GALNT10: variants seen among roughly 807,000 people sequenced by gnomAD.
GALNT10 encodes the protein polypeptide N-acetylgalactosaminyltransferase 10, also known as GalNAc transferase 10.
Under a neutral mutation model 75.0 loss-of-function variants are expected in GALNT10, and 41 were observed. That is an observed-to-expected ratio of 0.55 (90% CI 0.43 to 0.71). GALNT10 has a LOEUF of 0.71. GALNT10 is among the 30% of genes least tolerant of loss of function. GALNT10 has a pLI of 0.00. For missense variants in GALNT10, 727 were observed against 818.5 expected (o/e 0.89, Z 1.36); for synonymous variants, 302 against 313.0 (o/e 0.96, Z 0.37).
chr5:154,340,050 G>T (rs1755009057), intron 4 of GALNT10, among the ~76,000 whole-genome samples: 1 of 152,202 alleles, frequency 6.6e-6, no homozygotes, highest in Non-Finnish European at 1.5e-5. Context: ...TGGTGCAAAA[G>T]AAATTGTGGT....
intron 3 of GALNT10, among the ~76,000 whole-genome samples, chr5:154,307,053 G>A (rs1442367863): frequency 6.6e-6 from 1 of 152,162 alleles, no homozygotes; most frequent in Non-Finnish European, 1.5e-5. Context: ...AGGAATGAGA[G>A]AGATGACATA....
chr5:154,291,425 A>G (rs1004598564), intron 1 of GALNT10, among the ~76,000 whole-genome samples: 1 of 152,140 alleles, frequency 6.6e-6, no homozygotes, highest in Admixed American at 6.5e-5. Context: ...CCCTAGACCT[A>G]CTGTGCCAGA....
chr5:154,416,276 T>C lies in GALNT10; in HGVS notation c.1653+344T>C, dbSNP rs538643344. 6.6e-6 allele frequency among the ~76,000 whole-genome samples: 1 copy of C among 151,568 alleles called. No homozygotes were observed. The highest frequency in any genetic ancestry group is 2.4e-5 in the African/African-American group (1 of 41,278). ...CCAACATGGTGAAACCCCGTCTCTA[T>C]ACAAAAATCAGCCAGACATGGTGGC... On this transcript the variant is annotated intron_variant, in intron 11 of 11. Coordinates refer to ENST00000297107, the MANE Select transcript of GALNT10 (RefSeq NM_198321.4). This position sits in a 1 kb window ranked among gnomAD's most constrained non-coding sequence, Gnocchi z 4.5.
intron 4 of GALNT10, among the ~76,000 whole-genome samples, chr5:154,355,534 AG>A (rs1399727429): frequency 6.6e-6 from 1 of 152,228 alleles, no homozygotes; most frequent in Non-Finnish European, 1.5e-5. Flanking sequence ...CAGCGGGAGT[AG>A]GCATGCCTTA....
intron 4 of GALNT10, among the ~76,000 whole-genome samples, chr5:154,336,030 T>A (rs1238212001): frequency 1.3e-5 from 2 of 152,240 alleles, no homozygotes; most frequent in Non-Finnish European, 2.9e-5. Flanking sequence ...ATCATTTTAC[T>A]GTCACTGTAG....
rs868044145 is a variant in GALNT10, at chr5:154,227,038, T to C, written c.159+36013T>C. ...GTATCAATAGTTTGTTCCCTTTTTATTGGGAAATAATATTCCTTTGTGTGG... is the reference window on the plus strand; with the variant it reads ...GTATCAATAGTTTGTTCCCTTTTTACTGGGAAATAATATTCCTTTGTGTGG... On this transcript the variant is annotated intron_variant, in intron 1 of 11. Coordinates refer to ENST00000297107, the MANE Select transcript of GALNT10 (RefSeq NM_198321.4). Among the ~76,000 whole-genome samples the C allele has an allele frequency of 3.3e-5, 5 of 152,354 alleles. No homozygotes were observed. In the South Asian group the frequency reaches 6.2e-4, roughly 19 times the overall value.
intron 3 of GALNT10, among the ~76,000 whole-genome samples, chr5:154,325,104 A>C (rs1754736298): frequency 6.6e-6 from 1 of 152,200 alleles, no homozygotes; most frequent in African/African-American, 2.4e-5. Flanking sequence ...TAAATGCAGA[A>C]AGCAATCCCT....
chr5:154,376,560 G>T lies in GALNT10; in HGVS notation c.754+98G>T, dbSNP rs987211122. On this transcript the variant is annotated intron_variant, in intron 5 of 11. Transcript: ENST00000297107. The surrounding 1 kb of genome is among the most constrained non-coding windows in gnomAD (Gnocchi z 4.1). Reference sequence around the variant, plus strand: ...GGGAGCCATCCATAAGCCTTCCCTTGCCTGTTCGAGATGCCCCCAGCACAA... The same window carrying T: ...GGGAGCCATCCATAAGCCTTCCCTTTCCTGTTCGAGATGCCCCCAGCACAA... 2.6e-5 allele frequency: 21 copies of T among 806,276 alleles called. No individual in the cohort carries two copies. Among genetic ancestry groups the T allele is most frequent in the Admixed American group, 1.2e-4 (4 of 32,486 alleles). The allele number at this position is 806,276 out of a possible 1,614,324, so 49.9% of individuals were successfully genotyped here.
intron 4 of GALNT10, among the ~76,000 whole-genome samples, chr5:154,339,743 G>A (rs1230583276): frequency 6.6e-6 from 1 of 152,224 alleles, no homozygotes; most frequent in Non-Finnish European, 1.5e-5. Flanking sequence ...TGCAGTAAGA[G>A]TGTGGTAAAT....
At chr5:154,257,627 C>T (rs1189790935) in intron 1 of GALNT10, among the ~76,000 whole-genome samples, 2 of 150,366 alleles carry the variant, frequency 1.3e-5, no homozygotes, top group African/African-American at 4.9e-5. Flanking sequence ...GAGCCGAGAT[C>T]GCACCACTGC....
intron 9 of GALNT10, among the ~76,000 whole-genome samples, chr5:154,411,376 T>G (rs1211601972): frequency 6.6e-6 from 1 of 152,194 alleles, no homozygotes; most frequent in African/African-American, 2.4e-5. Context: ...AGTATATGCC[T>G]CTTTCCCAGT....
chr5:154,212,238 G>A (rs1441956214), intron 1 of GALNT10, among the ~76,000 whole-genome samples: 1 of 152,194 alleles, frequency 6.6e-6, no homozygotes, highest in Non-Finnish European at 1.5e-5. Flanking sequence ...GAGAGCTCTT[G>A]GAAGGAACTG....
At chr5:154,212,826 G>C (rs887651938) in intron 1 of GALNT10, among the ~76,000 whole-genome samples, 2 of 152,196 alleles carry the variant, frequency 1.3e-5, no homozygotes, top group African/African-American at 4.8e-5. Context: ...AAATTAGCCA[G>C]GCGTGGTGAC....
chr5:154,269,712 G>C (rs1753833065), intron 1 of GALNT10, among the ~76,000 whole-genome samples: 1 of 152,254 alleles, frequency 6.6e-6, no homozygotes, highest in African/African-American at 2.4e-5. Flanking sequence ...CTGGTGGGCA[G>C]AGAACAGTGT....
chr5:154,218,001 G>A, intron 1 of GALNT10: 1 of 984,842 alleles, frequency 1.0e-6, no homozygotes. Flanking sequence ...CATTCCATGT[G>A]GTTTCTTCCT....
chr5:154,218,253 C>T (rs138312186), intron 1 of GALNT10: 23 of 347,178 alleles, frequency 6.6e-5, no homozygotes, highest in Non-Finnish European at 9.3e-5. Context: ...AGATGAAACA[C>T]TTCCACACTG....
intron 4 of GALNT10, among the ~76,000 whole-genome samples, chr5:154,366,105 C>T (rs994777715): frequency 1.3e-5 from 2 of 152,220 alleles, no homozygotes; most frequent in African/African-American, 4.8e-5. Flanking sequence ...GCTTAGGGCA[C>T]TTGAGTTGCC....
chr5:154,252,273 A>G (rs781069419), intron 1 of GALNT10, among the ~76,000 whole-genome samples: 1 of 152,136 alleles, frequency 6.6e-6, no homozygotes, highest in African/African-American at 2.4e-5. Flanking sequence ...AGGTGAGTAT[A>G]TAGTTAATAT....
chr5:154,319,655 G>A (rs1200568567), intron 3 of GALNT10, among the ~76,000 whole-genome samples: 1 of 152,214 alleles, frequency 6.6e-6, no homozygotes, highest in Non-Finnish European at 1.5e-5. Flanking sequence ...GGCCCACAGT[G>A]GTAGCCATGC....
Sources: allele counts gnomAD v4.1 joint callset (sites outside exome capture counted in the v4.1 genomes callset), GRCh38; gene constraint gnomAD v4.1.1; non-coding constraint Gnocchi (gnomAD v3.1); transcripts MANE v1.5; gene names NCBI Gene and HGNC (gene_info 2026-07-23, HGNC 2026-07-21).